Variants in KLHL22 observed in about 807,000 individuals in gnomAD.
KLHL22 encodes kelch like family member 22.
In KLHL22, 18 loss-of-function variants were observed where a neutral mutation model predicts 60.7. The ratio of observed to expected loss-of-function variants is 0.30; its 90% confidence interval spans 0.20 to 0.44. KLHL22 has a LOEUF of 0.44. Among genes scored for constraint, KLHL22 ranks in the 20% least tolerant of loss-of-function variants. KLHL22 has a pLI of 1.00. For missense variants in KLHL22, 596 were observed against 852.3 expected, an observed-to-expected ratio of 0.70 and a Z score of 3.74; for synonymous variants, 355 against 354.5, an observed-to-expected ratio of 1.00 and a Z score of -0.01.
chr22:20,452,695 G>C (rs1048347116), intron 5 of KLHL22, among the ~76,000 whole-genome samples: 17 of 152,286 alleles, frequency 1.1e-4, no homozygotes, highest in African/African-American at 4.1e-4. Context: ...GCCTGCCAGG[G>C]GTCATCTAGC....
At chr22:20,475,214 C>A (rs1206434782) in intron 2 of KLHL22, 1 of 145,246 alleles carries the variant, frequency 6.9e-6, no homozygotes, top group Non-Finnish European at 1.5e-5. Context: ...CAAGTCTAGT[C>A]AACTGCAGTA....
intron 5 of KLHL22, chr22:20,449,975 C>T (rs1351642169): frequency 1.3e-5 from 7 of 552,300 alleles, no homozygotes; most frequent in South Asian, 1.0e-4. Context: ...GCGGCGGCGA[C>T]GCTTCGGCTC....
chr22:20,471,334 A>C lies in KLHL22; in HGVS notation c.393+16T>G. 1 of 1,611,220 alleles carries C rather than the reference A, an allele frequency of 6.2e-7. No individual in the cohort carries two copies. Among genetic ancestry groups the C allele is most frequent in the Non-Finnish European group, 8.5e-7 (1 of 1,178,216 alleles). ...CCTGGGTGTGGGTCTGCCTTGCTAG[A>C]TGAGACATGCCTCACCTGAAGCTGG... On this transcript the variant is annotated intron_variant, in intron 3 of 6. Coordinates refer to ENST00000328879, the MANE Select transcript of KLHL22 (RefSeq NM_032775.4).
chr22:20,474,904 T>C (rs554397763), intron 2 of KLHL22, among the ~76,000 whole-genome samples: 102 of 152,342 alleles, frequency 6.7e-4, no homozygotes, highest in African/African-American at 2.4e-3. Context: ...ATATCATTCC[T>C]GATAGCAGGG....
At chr22:20,450,916 C>T (rs1348927867) in intron 5 of KLHL22, 10 of 1,612,526 alleles carry the variant, frequency 6.2e-6, no homozygotes, top group Non-Finnish European at 7.6e-6. Flanking sequence ...ACTTCAGAGT[C>T]AGATGCAGGG....
At position 20,442,234 on chromosome 22, in the gene KLHL22, A is replaced by G; in HGVS notation, c.1744T>C (p.Ser582Pro). The G allele has an allele frequency of 6.2e-7, 1 of 1,610,336 alleles. No individual in the cohort carries two copies. Among genetic ancestry groups the G allele is most frequent in the South Asian group, 1.1e-5 (1 of 90,614 alleles). ...CWEEGPQLDN[S>P]ISGLAACVLT... ...ACACAGGCCGCCAGGCCTGAGATGG[A>G]GTTGTCCAGCTGGGGCCCTTCCTCC... The change falls in exon 7 of 7, where the codon TCC (serine) becomes CCC (proline). Residue 582 changes from serine (S) to proline (P), a missense_variant. Physicochemically the swap from Ser to Pro is moderately conservative, Grantham distance 74 (BLOSUM62 -1). Transcript: ENST00000328879.
At chr22:20,488,104 T>C (rs1337047965) in intron 2 of KLHL22, among the ~76,000 whole-genome samples, 3 of 152,224 alleles carry the variant, frequency 2.0e-5, no homozygotes, top group African/African-American at 7.2e-5. Context: ...AAACCATACA[T>C]ATTTTGCTTG....
chr22:20,451,832 T>A (rs2052984493), intron 5 of KLHL22: 1 of 1,601,780 alleles, frequency 6.2e-7, no homozygotes, highest in African/African-American at 1.3e-5. Context: ...TGACCATTGT[T>A]GGAGCACCAT....
chr22:20,444,540 C>T (rs1032952298), intron 6 of KLHL22, among the ~76,000 whole-genome samples: 1 of 152,106 alleles, frequency 6.6e-6, no homozygotes, highest in African/African-American at 2.4e-5. Context: ...CGTAACACAG[C>T]GTTCCCAGGT....
chr22:20,467,096 C>G (rs557843585), intron 3 of KLHL22, among the ~76,000 whole-genome samples: 1 of 152,194 alleles, frequency 6.6e-6, no homozygotes, highest in Non-Finnish European at 1.5e-5. Flanking sequence ...TTCAGTGGGG[C>G]CCCCCAGTGC....
At chr22:20,455,330 C>A (rs936489172) in intron 5 of KLHL22, among the ~76,000 whole-genome samples, 1 of 152,232 alleles carries the variant, frequency 6.6e-6, no homozygotes, top group Admixed American at 6.5e-5. Flanking sequence ...TCAGCCCAGA[C>A]CACGCAATGA....
intron 2 of KLHL22, among the ~76,000 whole-genome samples, chr22:20,486,220 T>C (rs1463029700): frequency 6.9e-6 from 1 of 145,212 alleles, no homozygotes; most frequent in Non-Finnish European, 1.5e-5. Flanking sequence ...ATTCAGACAA[T>C]GCAGTAAACA....
intron 4 of KLHL22, among the ~76,000 whole-genome samples, chr22:20,459,108 T>C (rs1266855335): frequency 6.6e-6 from 1 of 152,218 alleles, no homozygotes; most frequent in African/African-American, 2.4e-5. Context: ...TCAAAGCCAG[T>C]ATCTGAAGTG....
intron 3 of KLHL22, among the ~76,000 whole-genome samples, chr22:20,469,298 C>T (rs973614488): frequency 1.1e-4 from 17 of 152,012 alleles, no homozygotes; most frequent in Admixed American, 3.9e-4. Flanking sequence ...AGAAGGTGGA[C>T]GGGCTCAAGG....
Position 20,442,041 on chromosome 22 carries a change from C to G in KLHL22, c.*32G>C. 1 of 1,489,662 alleles carries G rather than the reference C, an allele frequency of 6.7e-7. No homozygotes were observed. Among genetic ancestry groups the G allele is most frequent in the Non-Finnish European group, 8.9e-7 (1 of 1,119,406 alleles). 92.3% of individuals were successfully genotyped at this position (1,489,662 alleles called of 1,614,324 possible). On this transcript the variant is annotated 3_prime_UTR_variant, in exon 7 of 7. Coordinates refer to ENST00000328879, the MANE Select transcript of KLHL22 (RefSeq NM_032775.4). ...GGTTTCACTGCCCTGCAGCCCCAGCCTCCCTTCCCTCTGATGCCAGGCACA... is the reference window on the plus strand; with the variant it reads ...GGTTTCACTGCCCTGCAGCCCCAGCGTCCCTTCCCTCTGATGCCAGGCACA...
chr22:20,492,881 C>T (rs575838159), intron 1 of KLHL22, among the ~76,000 whole-genome samples: 3 of 152,242 alleles, frequency 2.0e-5, no homozygotes, highest in Admixed American at 6.5e-5. Context: ...CATGAGCCAC[C>T]GCGCCCGGCC....
At chr22:20,478,261 A>G (rs2053444687) in intron 2 of KLHL22, among the ~76,000 whole-genome samples, 1 of 149,842 alleles carries the variant, frequency 6.7e-6, no homozygotes, top group Non-Finnish European at 1.5e-5. Flanking sequence ...GCTGGAGTGC[A>G]ATGGCGCAAT....
intron 4 of KLHL22, among the ~76,000 whole-genome samples, chr22:20,460,220 T>C (rs1037820904): frequency 9.2e-5 from 14 of 152,224 alleles, no homozygotes; most frequent in African/African-American, 2.7e-4. Context: ...CAGAGTGAGA[T>C]AGGACCCTCC....
At chr22:20,476,805 T>A (rs569171474) in intron 2 of KLHL22, among the ~76,000 whole-genome samples, 156 of 150,354 alleles carry the variant, frequency 1.0e-3, no homozygotes, top group Admixed American at 2.3e-3. Context: ...GCCTACCACG[T>A]TCAAGCGATT....
Sources: allele counts gnomAD v4.1 joint callset (sites outside exome capture counted in the v4.1 genomes callset), GRCh38; gene constraint gnomAD v4.1.1; transcripts MANE v1.5; gene names NCBI Gene and HGNC (gene_info 2026-07-23, HGNC 2026-07-21).